The following NELL1 variants were observed in gnomAD, a reference collection of about 807,000 sequenced individuals.
The protein encoded by NELL1 is neural EGFL like 1.
A neutral mutation model predicts 107.4 loss-of-function variants in NELL1; 76 were observed. The ratio of observed to expected loss-of-function variants is 0.71; its 90% CI spans 0.59 to 0.86. NELL1 has a LOEUF of 0.86. Ranked by LOEUF, NELL1 falls within the 40% of genes least tolerant of loss-of-function variation. The pLI is 0.00. For missense variants in NELL1, 1,024 were observed against 1,005.5 expected (o/e 1.02, Z -0.25); for synonymous variants, 353 against 341.2 (o/e 1.03, Z -0.38).
At chr11:20,809,507 A>G (rs1185252471) in intron 3 of NELL1, among the ~76,000 whole-genome samples, 1 of 123,016 alleles carries the variant, frequency 8.1e-6, no homozygotes, top group Non-Finnish European at 1.7e-5. Context: ...AAAGTTGACC[A>G]ATCTCTTTCC....
intron 15 of NELL1, among the ~76,000 whole-genome samples, chr11:21,447,387 C>T (rs1853459034): frequency 6.6e-6 from 1 of 152,174 alleles, no homozygotes; most frequent in Non-Finnish European, 1.5e-5. Flanking sequence ...CTGAGTCATA[C>T]CTGAAGCCAG....
At chr11:21,507,760 A>C (rs1855321057) in intron 15 of NELL1, among the ~76,000 whole-genome samples, 1 of 151,608 alleles carries the variant, frequency 6.6e-6, no homozygotes, top group African/African-American at 2.4e-5. Flanking sequence ...GAGAGTTATT[A>C]AAAGCAAAAG....
At chr11:21,221,720 TCTCA>T (rs1243112298) in intron 13 of NELL1, among the ~76,000 whole-genome samples, 1 of 152,158 alleles carries the variant, frequency 6.6e-6, no homozygotes, top group Non-Finnish European at 1.5e-5. Flanking sequence ...TCAGGCAAGG[TCTCA>T]CTCTGTTGCC....
intron 13 of NELL1, among the ~76,000 whole-genome samples, chr11:21,184,171 G>T (rs1334857046): frequency 6.6e-6 from 1 of 151,778 alleles, no homozygotes; most frequent in Admixed American, 6.6e-5. Context: ...TGAAGTGATT[G>T]GTTATAATCA....
At chr11:21,536,064 C>G (rs961620222) in intron 16 of NELL1, among the ~76,000 whole-genome samples, 1 of 152,082 alleles carries the variant, frequency 6.6e-6, no homozygotes, top group Non-Finnish European at 1.5e-5. Context: ...TTTTAGTGCA[C>G]AAAGGACCTT....
At chr11:20,678,383 T>C (rs1228936881) in intron 2 of NELL1, among the ~76,000 whole-genome samples, 2 of 152,196 alleles carry the variant, frequency 1.3e-5, no homozygotes, top group African/African-American at 4.8e-5. Flanking sequence ...CTGTTATCAA[T>C]ATCTTTGCCT....
chr11:21,141,296 T>C (rs1855861630), intron 13 of NELL1, among the ~76,000 whole-genome samples: 2 of 152,238 alleles, frequency 1.3e-5, no homozygotes, highest in South Asian at 4.1e-4. Flanking sequence ...TAATTGTTCC[T>C]TCAGGACACA....
At chr11:20,776,355 C>T (rs1218996522) in intron 2 of NELL1, among the ~76,000 whole-genome samples, 1 of 152,028 alleles carries the variant, frequency 6.6e-6, no homozygotes, top group East Asian at 1.9e-4. Flanking sequence ...AGGAGAATCG[C>T]TTGAACCCGG....
At chr11:20,964,828 A>G (rs1251406266) in intron 12 of NELL1, among the ~76,000 whole-genome samples, 1 of 152,188 alleles carries the variant, frequency 6.6e-6, no homozygotes, top group Non-Finnish European at 1.5e-5. Context: ...TCTCTGAAAC[A>G]AAAACTGGCA....
At chr11:21,541,207 G>A (rs998441726) in intron 16 of NELL1, among the ~76,000 whole-genome samples, 4 of 152,224 alleles carry the variant, frequency 2.6e-5, no homozygotes, top group Admixed American at 2.0e-4. Context: ...ATGACATACA[G>A]CTATTCTTAC....
chr11:20,850,238 A>G (rs1848771684), intron 4 of NELL1, among the ~76,000 whole-genome samples: 1 of 152,214 alleles, frequency 6.6e-6, no homozygotes, highest in Non-Finnish European at 1.5e-5. Context: ...TGCTGGTTCT[A>G]TCACTTTTAG....
chr11:21,351,034 G>C (rs950599), intron 14 of NELL1, among the ~76,000 whole-genome samples: 30,431 of 151,902 alleles, frequency 0.2, 3,281 homozygotes, highest in Middle Eastern at 0.32. Context: ...AATTGGATTG[G>C]TATAAATGAT....
In NELL1 at chr11:20,915,718, T is replaced by TATATATA. The variant is rs375263928; in HGVS notation, c.604-2464_604-2463insATATATA. On this transcript the variant is annotated intron_variant, in intron 5 of 19. Coordinates refer to ENST00000357134, the MANE Select transcript of NELL1 (RefSeq NM_006157.5). ...CATAGATGATATATATATATATATATTTTTTTTTTTTTTTTTTGAGAGGAA... is the reference window on the plus strand; with the variant it reads ...CATAGATGATATATATATATATATATATATATATTTTTTTTTTTTTTTTTGAGAGGAA... 4.8e-3 allele frequency among the ~76,000 whole-genome samples: 238 copies of TATATATA among 49,270 alleles called. 3 individuals carry two copies. Among genetic ancestry groups the TATATATA allele is most frequent in the Non-Finnish European group, 6.8e-3 (195 of 28,730 alleles). The allele number at this position is 49,270 out of a possible 152,430, so 32.3% of individuals were successfully genotyped here.
chr11:21,527,861 T>C (rs1443968146), intron 15 of NELL1, among the ~76,000 whole-genome samples: 2 of 152,166 alleles, frequency 1.3e-5, no homozygotes, highest in African/African-American at 4.8e-5. Flanking sequence ...CCTTCCACGT[T>C]CCTCTGCCTG....
chr11:21,447,008 T>C (rs1481773345), intron 15 of NELL1, among the ~76,000 whole-genome samples: 4 of 152,142 alleles, frequency 2.6e-5, no homozygotes, highest in African/African-American at 9.7e-5. Context: ...TCCTATTCTT[T>C]CCTCCTGTTT....
rs1945317 is a variant in NELL1, at chr11:21,089,178, T to C, written c.1301-24411T>C. Among the ~76,000 whole-genome samples, 737 of 152,336 alleles carry C rather than the reference T, an allele frequency of 4.8e-3. 8 individuals carry two copies. Among genetic ancestry groups the C allele is most frequent in the African/African-American group, 0.017 (715 of 41,578 alleles). ...TTTTTCAGTATAATAATTCAGTGTC[T>C]ATCCTGAGCCAATAGAGGAATCAGA... On this transcript the variant is annotated intron_variant, in intron 12 of 19. Transcript: ENST00000357134.
intron 3 of NELL1, among the ~76,000 whole-genome samples, chr11:20,800,072 T>C (rs191415321): frequency 1.3e-5 from 2 of 152,330 alleles, no homozygotes; most frequent in East Asian, 3.9e-4. Context: ...TATCCCATGG[T>C]GTATACGTAC....
chr11:21,195,243 T>C (rs913058378), intron 13 of NELL1, among the ~76,000 whole-genome samples: 1 of 152,166 alleles, frequency 6.6e-6, no homozygotes, highest in Non-Finnish European at 1.5e-5. Flanking sequence ...CAATACATTG[T>C]ACGAAGGCTG....
chr11:20,820,993 C>T (rs1469782510), intron 3 of NELL1, among the ~76,000 whole-genome samples: 1 of 152,198 alleles, frequency 6.6e-6, no homozygotes, highest in East Asian at 1.9e-4. Context: ...ATATCCCAAG[C>T]ACTTTGAACA....
Sources: allele counts gnomAD v4.1 joint callset (sites outside exome capture counted in the v4.1 genomes callset), GRCh38; gene constraint gnomAD v4.1.1; transcripts MANE v1.5; gene names NCBI Gene and HGNC (gene_info 2026-07-23, HGNC 2026-07-21).